Variants in ANO6 observed in about 807,000 individuals in gnomAD.
The protein encoded by ANO6 is anoctamin 6.
A neutral mutation model predicts 117.5 loss-of-function variants in ANO6; 106 were observed. That is an observed-to-expected ratio of 0.90 (90% CI 0.77 to 1.06). The LOEUF is 1.06. Ranked by LOEUF, ANO6 falls within the 50% of genes least tolerant of loss-of-function variation. The probability of loss-of-function intolerance (pLI) is 0.00; values close to 1 mark genes in which losing one functional copy is unlikely to be tolerated. For missense variants in ANO6, 955 were observed against 1,121.1 expected (o/e 0.85, Z 2.12); for synonymous variants, 367 against 385.1 (o/e 0.95, Z 0.55).
chr12:45,331,532 C>T, intron 3 of ANO6, 109 bp downstream of exon 3: 2 of 1,043,936 alleles, frequency 1.9e-6, no homozygotes, highest in Non-Finnish European at 2.7e-6. Context: ...ATATCATACA[C>T]AAAACAGTTT....
At chr12:45,355,350 T>G (rs1189500011) in intron 7 of ANO6, among the ~76,000 whole-genome samples, 1 of 152,112 alleles carries the variant, frequency 6.6e-6, no homozygotes, top group African/African-American at 2.4e-5. Context: ...TTGCCTACAA[T>G]GTAACAGGGA....
intron 9 of ANO6, among the ~76,000 whole-genome samples, chr12:45,372,387 G>C (rs1383444105): frequency 7.1e-6 from 1 of 140,914 alleles, no homozygotes; most frequent in Non-Finnish European, 1.5e-5. Flanking sequence ...CTCGAGAAGA[G>C]CAACTCCAAG....
At chr12:45,409,586 T>C (rs1943033888) in intron 16 of ANO6, 99 bp downstream of exon 16, 3 of 1,385,164 alleles carry the variant, frequency 2.2e-6, no homozygotes, top group African/African-American at 1.4e-5. Flanking sequence ...ATTTAGCATA[T>C]TGAAATGAAG....
At chr12:45,284,044 G>A (rs1938828299) in intron 1 of ANO6, among the ~76,000 whole-genome samples, 1 of 152,214 alleles carries the variant, frequency 6.6e-6, no homozygotes, top group South Asian at 2.1e-4. Context: ...CATAGTTTTA[G>A]ATGATATGGA....
chr12:45,271,069 A>T (rs1375152925), intron 1 of ANO6, among the ~76,000 whole-genome samples: 1 of 152,194 alleles, frequency 6.6e-6, no homozygotes, highest in Non-Finnish European at 1.5e-5. Flanking sequence ...ATGGGCCAGG[A>T]TCTTAAAAGC....
intron 1 of ANO6, among the ~76,000 whole-genome samples, chr12:45,284,714 G>C (rs1339914445): frequency 6.6e-6 from 1 of 152,168 alleles, no homozygotes; most frequent in Non-Finnish European, 1.5e-5. Context: ...CTGTTGTCGT[G>C]TATCTAAGAC....
At chr12:45,341,571 A>G (rs1157022721) in intron 3 of ANO6, among the ~76,000 whole-genome samples, 1 of 152,194 alleles carries the variant, frequency 6.6e-6, no homozygotes, top group East Asian at 1.9e-4. Context: ...ACAAAAAGAT[A>G]TGTTCACATC....
chr12:45,338,078 A>C (rs1940877533), intron 3 of ANO6, among the ~76,000 whole-genome samples: 2 of 152,084 alleles, frequency 1.3e-5, no homozygotes. Flanking sequence ...ATCAACCATA[A>C]GTTCTTGTTC....
At chr12:45,385,156 A>G (rs1942263905) in intron 10 of ANO6, among the ~76,000 whole-genome samples, 2 of 152,186 alleles carry the variant, frequency 1.3e-5, no homozygotes, top group Admixed American at 1.3e-4. Context: ...AAATCCCTGC[A>G]CATGTGAAGG....
intron 3 of ANO6, among the ~76,000 whole-genome samples, chr12:45,333,891 A>G (rs1689391730): frequency 6.6e-6 from 1 of 152,020 alleles, no homozygotes; most frequent in Non-Finnish European, 1.5e-5. Context: ...TTATGTGTAA[A>G]CCATATTGAT....
At chr12:45,260,895 C>T (rs1015834904) in intron 1 of ANO6, among the ~76,000 whole-genome samples, 24 of 152,062 alleles carry the variant, frequency 1.6e-4, no homozygotes, top group Non-Finnish European at 3.2e-4. Context: ...TCAAGCAATC[C>T]TCTTGCTTCT....
At chr12:45,268,892 T>C (rs1938302148) in intron 1 of ANO6, among the ~76,000 whole-genome samples, 1 of 152,260 alleles carries the variant, frequency 6.6e-6, no homozygotes, top group Non-Finnish European at 1.5e-5. Context: ...ATTTCCGTGC[T>C]CAGGGCAGCA....
chr12:45,236,436 G>A (rs575413634), intron 1 of ANO6, among the ~76,000 whole-genome samples: 2 of 152,232 alleles, frequency 1.3e-5, no homozygotes, highest in African/African-American at 2.4e-5. Flanking sequence ...CTGTGTCCAA[G>A]TGTTCTCATT....
At chr12:45,333,983 T>C (rs2137409274) in intron 3 of ANO6, among the ~76,000 whole-genome samples, 1 of 152,144 alleles carries the variant, frequency 6.6e-6, no homozygotes, top group East Asian at 1.9e-4. Context: ...TGGAGAAAGA[T>C]AGAAGTGACA....
At chr12:45,388,351 G>T (rs766793125) in intron 11 of ANO6, 48 bp downstream of exon 11, 1 of 1,610,570 alleles carries the variant, frequency 6.2e-7, no homozygotes, top group Non-Finnish European at 8.5e-7. Context: ...TACTGCTGTG[G>T]TTCTCCTCCT....
At chr12:45,260,457 A>C (rs185686693) in intron 1 of ANO6, among the ~76,000 whole-genome samples, 1 of 152,342 alleles carries the variant, frequency 6.6e-6, no homozygotes, top group African/African-American at 2.4e-5. Context: ...ATTGCAAGGC[A>C]AAGCAAAGGA....
rs1941259593 is a variant in ANO6 at position 45,350,771 on chromosome 12, T to C, written c.860T>C (p.Ile287Thr). Residue 287 changes from isoleucine to threonine, a missense_variant, in exon 7 of 20, where the codon ATC becomes ACC. By Grantham distance (89) the Ile-to-Thr change is moderately conservative. Coordinates refer to ENST00000320560, the MANE Select transcript of ANO6 (RefSeq NM_001025356.3). The part of the protein sequence containing the change: ...SIYKKQPLDL[I>T]RKYYGEKIGI... ...TACAAAAAGCAGCCCTTGGATCTTA[T>C]CAGGTGAGGGGTTGTAGGGAGTACT... The C allele has an allele frequency of 1.2e-6, 2 of 1,612,802 alleles. No homozygotes were observed. The highest frequency in any genetic ancestry group is 1.7e-6 in the Non-Finnish European group (2 of 1,179,278).
intron 1 of ANO6, among the ~76,000 whole-genome samples, chr12:45,257,911 A>G (rs540691914): frequency 2.6e-5 from 4 of 152,358 alleles, no homozygotes; most frequent in South Asian, 2.1e-4. Flanking sequence ...TGGGAAAACA[A>G]TATAGTAATG....
At chr12:45,284,891 C>T (rs1938857585) in intron 1 of ANO6, among the ~76,000 whole-genome samples, 1 of 152,182 alleles carries the variant, frequency 6.6e-6, no homozygotes, top group Admixed American at 6.5e-5. Context: ...AATCCTGGAA[C>T]AAGCCTCAGG....
Sources: gnomAD v4.1 joint callset for allele counts (sites outside exome capture counted in the v4.1 genomes callset) on GRCh38, gnomAD v4.1.1 for gene constraint, MANE v1.5 for transcripts, NCBI Gene and HGNC (gene_info 2026-07-23, HGNC 2026-07-21) for gene names.